The following NPAS3 variants were observed in gnomAD, a reference collection of about 807,000 sequenced individuals.
NPAS3 encodes the protein neuronal PAS domain protein 3, also known as neuronal PAS domain-containing protein 3.
In NPAS3, 14 loss-of-function variants were observed where a neutral mutation model predicts 73.1. That is an observed-to-expected ratio of 0.19 (90% CI 0.13 to 0.30). The LOEUF is 0.30. Ranked by LOEUF, NPAS3 falls within the 10% of genes least tolerant of loss-of-function variation. NPAS3 has a pLI of 1.00. For synonymous variants in NPAS3, 620 were observed against 541.5 expected, an observed-to-expected ratio of 1.14 and a Z score of -2.01; for missense variants, 1,096 against 1,250.0, an observed-to-expected ratio of 0.88 and a Z score of 1.86.
Position 32,959,413 on chromosome 14 carries a change from C to T in NPAS3, c.50+20047C>T, listed in dbSNP as rs543490009. Reference sequence around the variant, plus strand: ...CTGTAGTTCAAGTAAAGATTCCAAACCTAAGTAATGACCTTGAGTCTAATG... The same window carrying T: ...CTGTAGTTCAAGTAAAGATTCCAAATCTAAGTAATGACCTTGAGTCTAATG... On this transcript the variant is annotated intron_variant, in intron 1 of 11. Coordinates refer to ENST00000356141, the Ensembl canonical transcript of NPAS3. Among the ~76,000 whole-genome samples, 180 of 152,268 alleles carry T rather than the reference C, an allele frequency of 1.2e-3. 2 individuals are homozygous for T. The highest frequency in any genetic ancestry group is 4.2e-3 in the African/African-American group (174 of 41,544).
intron 2 of NPAS3, among the ~76,000 whole-genome samples, chr14:33,135,484 ATAGTT>A (rs1171646874): frequency 6.6e-6 from 1 of 152,202 alleles, no homozygotes; most frequent in African/African-American, 2.4e-5. Flanking sequence ...TTACCATAAA[ATAGTT>A]TAAGTTTATT....
intron 4 of NPAS3, among the ~76,000 whole-genome samples, chr14:33,556,833 C>A (rs772560886): frequency 3.9e-5 from 6 of 152,202 alleles, no homozygotes; most frequent in Admixed American, 6.5e-5. Context: ...TCCTTCTGCA[C>A]CCAACCAGGC....
chr14:33,472,233 G>A (rs893903320), intron 4 of NPAS3, among the ~76,000 whole-genome samples: 1 of 152,170 alleles, frequency 6.6e-6, no homozygotes, highest in Non-Finnish European at 1.5e-5. Flanking sequence ...TAGATAACTG[G>A]GAGAAGAGCT....
chr14:33,136,274 T>C (rs566570135), intron 2 of NPAS3, among the ~76,000 whole-genome samples: 6 of 152,138 alleles, frequency 3.9e-5, no homozygotes, highest in African/African-American at 9.6e-5. Context: ...TTGGCCAGGC[T>C]GGTCTCAATC....
At chr14:32,985,133 G>A (rs769819633) in intron 1 of NPAS3, among the ~76,000 whole-genome samples, 3 of 152,120 alleles carry the variant, frequency 2.0e-5, no homozygotes, top group Non-Finnish European at 4.4e-5. Flanking sequence ...TCAGAACATT[G>A]TCTCAGCTTG....
intron 5 of NPAS3, among the ~76,000 whole-genome samples, chr14:33,573,349 C>T (rs1257740559): frequency 6.6e-6 from 1 of 151,666 alleles, no homozygotes; most frequent in East Asian, 1.9e-4. Flanking sequence ...CTGGTTTCTG[C>T]AAGATGCCTT....
intron 5 of NPAS3, among the ~76,000 whole-genome samples, chr14:33,661,599 A>G (rs2059310521): frequency 6.6e-6 from 1 of 152,240 alleles, no homozygotes; most frequent in Non-Finnish European, 1.5e-5. Context: ...ATTGCCCAGA[A>G]TAGGAAAACT....
intron 2 of NPAS3, among the ~76,000 whole-genome samples, chr14:33,130,424 A>AT (rs1357226487): frequency 2.0e-5 from 3 of 152,252 alleles, no homozygotes; most frequent in Admixed American, 6.5e-5. Context: ...TTGCAAGATT[A>AT]TTTTTCCTTT....
intron 5 of NPAS3, among the ~76,000 whole-genome samples, chr14:33,672,744 G>A (rs938573091): frequency 6.6e-6 from 1 of 152,044 alleles, no homozygotes; most frequent in Admixed American, 6.5e-5. Context: ...GGGAAAAGTG[G>A]TGGACTGAGA....
chr14:33,401,926 A>G (rs2047461791), intron 4 of NPAS3, among the ~76,000 whole-genome samples: 1 of 152,084 alleles, frequency 6.6e-6, no homozygotes, highest in Admixed American at 6.6e-5. Context: ...AACAGGCTAC[A>G]TTTCAAGTTA....
intron 5 of NPAS3, among the ~76,000 whole-genome samples, chr14:33,602,526 C>G (rs1199179269): frequency 6.6e-6 from 1 of 152,202 alleles, no homozygotes; most frequent in African/African-American, 2.4e-5. Context: ...GGGTCTCTCC[C>G]AGCAGGCATC....
chr14:32,945,753 AGTGT>A (rs2036224067), intron 1 of NPAS3, among the ~76,000 whole-genome samples: 1 of 152,210 alleles, frequency 6.6e-6, no homozygotes, highest in Non-Finnish European at 1.5e-5. Flanking sequence ...GGAGAAATAC[AGTGT>A]TTATGAAATT....
At chr14:33,679,961 G>C (rs948066084) in intron 6 of NPAS3, among the ~76,000 whole-genome samples, 1 of 152,188 alleles carries the variant, frequency 6.6e-6, no homozygotes, top group Non-Finnish European at 1.5e-5. Context: ...AAAGATAAAT[G>C]AGTGGCCTTG....
At chr14:33,459,051 T>G (rs1566921979) in intron 4 of NPAS3, among the ~76,000 whole-genome samples, 1 of 152,256 alleles carries the variant, frequency 6.6e-6, no homozygotes, top group Non-Finnish European at 1.5e-5. Context: ...GGATTATTCA[T>G]GCCTTCCCTT....
intron 2 of NPAS3, among the ~76,000 whole-genome samples, chr14:33,108,591 G>C (rs1021067137): frequency 4.6e-5 from 7 of 152,146 alleles, no homozygotes; most frequent in Admixed American, 1.3e-4. Flanking sequence ...TTTAGAATCT[G>C]CTGTGACAAA....
At chr14:33,491,910 G>A (rs1310474065) in intron 4 of NPAS3, among the ~76,000 whole-genome samples, 1 of 152,136 alleles carries the variant, frequency 6.6e-6, no homozygotes, top group Non-Finnish European at 1.5e-5. Flanking sequence ...TATGGTATGT[G>A]CAGACAAACA....
chr14:33,534,441 G>C (rs1183676302), intron 4 of NPAS3, among the ~76,000 whole-genome samples: 1 of 152,122 alleles, frequency 6.6e-6, no homozygotes, highest in Admixed American at 6.5e-5. Flanking sequence ...GAATGACATA[G>C]TTGCTAGGAG....
At chr14:33,051,072 A>G (rs1595333453) in intron 1 of NPAS3, among the ~76,000 whole-genome samples, 1 of 151,562 alleles carries the variant, frequency 6.6e-6, no homozygotes, top group East Asian at 1.9e-4. Context: ...CAGGAGATCG[A>G]GACCATCCTG....
intron 4 of NPAS3, among the ~76,000 whole-genome samples, chr14:33,441,735 T>G (rs1305078052): frequency 1.3e-5 from 2 of 152,212 alleles, no homozygotes; most frequent in Admixed American, 1.3e-4. Flanking sequence ...TTTAATGGAT[T>G]CACAGTTTCA....
Sources: allele counts gnomAD v4.1 joint callset (sites outside exome capture counted in the v4.1 genomes callset), GRCh38; gene constraint gnomAD v4.1.1; transcripts MANE v1.5; gene names NCBI Gene and HGNC (gene_info 2026-07-23, HGNC 2026-07-21).